The following SHISA6 variants were observed in gnomAD, a reference collection of about 807,000 sequenced individuals.
SHISA6 encodes protein shisa-6.
A neutral mutation model predicts 47.9 loss-of-function variants in SHISA6; 22 were observed. The observed-to-expected ratio is 0.46, with a 90% CI of 0.33 to 0.66. The LOEUF is 0.66. Ranked by LOEUF, SHISA6 falls within the 30% of genes least tolerant of loss-of-function variation. The pLI is 0.02. For synonymous variants in SHISA6, 388 were observed against 337.8 expected, an observed-to-expected ratio of 1.15 and a Z score of -1.63; for missense variants, 680 against 764.6, an observed-to-expected ratio of 0.89 and a Z score of 1.30.
intron 3 of SHISA6, among the ~76,000 whole-genome samples, chr17:11,422,251 T>C (rs1914469277): frequency 6.6e-6 from 1 of 151,662 alleles, no homozygotes; most frequent in Non-Finnish European, 1.5e-5. Flanking sequence ...ACTGCATGAG[T>C]CAAGAGAGCC....
chr17:11,394,492 A>G (rs1913498190), intron 3 of SHISA6, among the ~76,000 whole-genome samples: 1 of 152,098 alleles, frequency 6.6e-6, no homozygotes. Flanking sequence ...TTACCACTCA[A>G]TCATATACAT....
chr17:11,361,647 A>T (rs1202877886), intron 2 of SHISA6, among the ~76,000 whole-genome samples: 1 of 152,214 alleles, frequency 6.6e-6, no homozygotes, highest in Non-Finnish European at 1.5e-5. Flanking sequence ...ACAACCATTC[A>T]GCACTTCCCT....
intron 3 of SHISA6, among the ~76,000 whole-genome samples, chr17:11,499,248 G>A (rs1265634051): frequency 6.6e-6 from 1 of 152,202 alleles, no homozygotes; most frequent in Non-Finnish European, 1.5e-5. Context: ...AGATGACGGG[G>A]TGGCAGTGGC....
At chr17:11,451,141 T>TC (rs1296753246) in intron 3 of SHISA6, among the ~76,000 whole-genome samples, 5 of 151,384 alleles carry the variant, frequency 3.3e-5, no homozygotes, top group African/African-American at 1.2e-4. Flanking sequence ...TGCTACCAGT[T>TC]CCCCACTCCC....
intron 3 of SHISA6, among the ~76,000 whole-genome samples, chr17:11,447,198 C>T (rs1223212132): frequency 1.3e-5 from 2 of 152,224 alleles, no homozygotes; most frequent in Non-Finnish European, 2.9e-5. Context: ...GTCAGGATGA[C>T]TTTCAGAACC....
intron 3 of SHISA6, among the ~76,000 whole-genome samples, chr17:11,400,616 T>G (rs1227069991): frequency 6.6e-6 from 1 of 152,210 alleles, no homozygotes; most frequent in Non-Finnish European, 1.5e-5. Context: ...TATTGTCAAA[T>G]TAATCTTTCT....
chr17:11,558,400 C>T lies in SHISA6; in HGVS notation c.*96C>T. 9 of 1,356,716 alleles carry T rather than the reference C, an allele frequency of 6.6e-6. No homozygotes were observed. Among genetic ancestry groups the T allele is most frequent in the Non-Finnish European group, 8.9e-6 (9 of 1,009,952 alleles). 84.0% of individuals were successfully genotyped at this position (1,356,716 alleles called of 1,614,324 possible). ...GCTTCTAGCCTTGCCACTCTCCCTT[C>T]CCTTGTCCCCTCTGTAGGAAGTGGG... On this transcript the variant is annotated 3_prime_UTR_variant, in exon 6 of 6. Transcript: ENST00000441885.
intron 2 of SHISA6, among the ~76,000 whole-genome samples, chr17:11,378,316 C>T (rs1567589119): frequency 6.6e-6 from 1 of 151,486 alleles, no homozygotes; most frequent in Admixed American, 6.6e-5. Context: ...TGTTTGTGTG[C>T]TTTTTTTCTA....
chr17:11,486,823 A>G (rs1916359958), intron 3 of SHISA6, among the ~76,000 whole-genome samples: 1 of 152,150 alleles, frequency 6.6e-6, no homozygotes, highest in African/African-American at 2.4e-5. Context: ...AACACCCACT[A>G]CAGAAGGAGC....
chr17:11,388,826 ATATATATATATAT>A (rs1913289785), intron 3 of SHISA6, among the ~76,000 whole-genome samples: 2 of 105,862 alleles, frequency 1.9e-5, no homozygotes, highest in African/African-American at 8.1e-5. Flanking sequence ...ATATATATAT[ATATATATATATAT>A]ATTTTAAAAA....
intron 3 of SHISA6, among the ~76,000 whole-genome samples, chr17:11,396,167 G>GT (rs903957271): frequency 4.6e-5 from 7 of 152,194 alleles, no homozygotes; most frequent in Admixed American, 4.6e-4. Context: ...CCTTAGATCT[G>GT]TTTTTTTGTT....
In SHISA6 at chr17:11,241,609, C is replaced by T. The variant is rs1597415852; in HGVS notation, c.187C>T (p.Arg63Trp). ...CGGCCGCGAGCTGAACGGCACCGCC[C>T]GGGCGCCCGGAATCCCGGAGGCGGG... The part of the protein sequence containing the change: ...RGGRELNGTA[R>W]APGIPEAGSR... Residue 63 changes from arginine (R) to tryptophan (W), a missense_variant, in exon 1 of 6, where the codon CGG becomes TGG. Around this residue, in one of 2 missense-constraint regions of SHISA6, gnomAD observed 121 missense variants for 90.5 expected, o/e 1.34. Transcript: ENST00000441885. The surrounding 1 kb of genome is among the most constrained non-coding windows in gnomAD (Gnocchi z 5.5). The T allele has an allele frequency of 3.1e-6, 4 of 1,305,588 alleles. No individual in the cohort carries two copies. The East Asian group carries it at 1.3e-4, about 43-fold the overall frequency. 80.9% of individuals were successfully genotyped at this position (1,305,588 alleles called of 1,614,324 possible).
intron 1 of SHISA6, among the ~76,000 whole-genome samples, chr17:11,252,770 G>A (rs1473476509): frequency 1.3e-5 from 2 of 152,296 alleles, no homozygotes; most frequent in African/African-American, 2.4e-5. Context: ...CCATCTCCCT[G>A]CAGCGACAGG....
At chr17:11,381,000 T>C (rs753253659) in intron 3 of SHISA6, among the ~76,000 whole-genome samples, 7 of 152,140 alleles carry the variant, frequency 4.6e-5, no homozygotes, top group Non-Finnish European at 8.8e-5. Context: ...ATCCTATCAG[T>C]TGCACGCCAT....
rs563024649 is a variant in SHISA6 at position 11,443,492 on chromosome 17, G to C, written c.895+63983G>C. Among the ~76,000 whole-genome samples the C allele has an allele frequency of 4.8e-3, 738 of 152,324 alleles. 7 individuals carry two copies. The highest frequency in any genetic ancestry group is 0.017 in the African/African-American group (711 of 41,576). ...TTGCCCATTGAAGGGAGTGGAAGGA[G>C]GCTAAGATCAGGCAAGATTCACAGG... On this transcript the variant is annotated intron_variant, in intron 3 of 5. Coordinates refer to ENST00000441885, the MANE Select transcript of SHISA6 (RefSeq NM_207386.4).
chr17:11,276,408 A>T lies in SHISA6; in HGVS notation c.799+12882A>T, dbSNP rs537024913. 2.1e-4 allele frequency among the ~76,000 whole-genome samples: 32 copies of T among 152,284 alleles called. 1 individual carries two copies. Among genetic ancestry groups the T allele is most frequent in the African/African-American group, 7.7e-4 (32 of 41,556 alleles). ...ATGTCAGTGATGGAAGATGTGAGAA[A>T]GACTTTCTTCAGGGTTTATTTTTCT... On this transcript the variant is annotated intron_variant, in intron 2 of 5. Coordinates refer to ENST00000441885, the MANE Select transcript of SHISA6 (RefSeq NM_207386.4).
intron 2 of SHISA6, among the ~76,000 whole-genome samples, chr17:11,346,692 C>A (rs1209522947): frequency 6.6e-6 from 1 of 152,014 alleles, no homozygotes; most frequent in Non-Finnish European, 1.5e-5. Flanking sequence ...CTTTTGTTGT[C>A]TTGAATAATA....
At chr17:11,345,072 T>G (rs573176564) in intron 2 of SHISA6, among the ~76,000 whole-genome samples, 119 of 152,294 alleles carry the variant, frequency 7.8e-4, no homozygotes, top group African/African-American at 2.6e-3. Context: ...TAACATAATA[T>G]CCTCCATTCT....
chr17:11,268,219 C>T (rs1377164966), intron 2 of SHISA6, among the ~76,000 whole-genome samples: 1 of 152,124 alleles, frequency 6.6e-6, no homozygotes, highest in African/African-American at 2.4e-5. Context: ...AAAGAACAGC[C>T]AGTCATCCTG....
Sources: allele counts gnomAD v4.1 joint callset (sites outside exome capture counted in the v4.1 genomes callset), GRCh38; gene constraint gnomAD v4.1.1; regional missense constraint gnomAD v4.1.1; non-coding constraint Gnocchi (gnomAD v3.1); transcripts MANE v1.5; gene names NCBI Gene and HGNC (gene_info 2026-07-23, HGNC 2026-07-21).